Variants in MTHFD2L observed in about 807,000 individuals in gnomAD.
MTHFD2L encodes bifunctional methylenetetrahydrofolate dehydrogenase/cyclohydrolase 2, mitochondrial.
In MTHFD2L, 29 loss-of-function variants were observed where a neutral mutation model predicts 34.9. That is an observed-to-expected ratio of 0.83 (90% CI 0.62 to 1.13). MTHFD2L has a LOEUF of 1.13. Among genes scored for constraint, MTHFD2L ranks in the 50% most tolerant of loss-of-function variants. The pLI is 0.00. For missense variants in MTHFD2L, 481 were observed against 446.5 expected (o/e 1.08, Z -0.70); for synonymous variants, 167 against 155.7 (o/e 1.07, Z -0.54).
At chr4:74,295,891 G>T (rs944624453) in intron 7 of MTHFD2L, among the ~76,000 whole-genome samples, 10 of 152,114 alleles carry the variant, frequency 6.6e-5, no homozygotes, top group Non-Finnish European at 1.2e-4. Context: ...AACTCGGCAT[G>T]GATATGCCAC....
chr4:74,131,199 AC>A (rs1340261674), intron 1 of MTHFD2L, among the ~76,000 whole-genome samples: 1 of 152,200 alleles, frequency 6.6e-6, no homozygotes, highest in Non-Finnish European at 1.5e-5. Flanking sequence ...CCATCAAGCT[AC>A]CATTGACTTT....
chr4:74,193,181 G>A (rs1732871267), intron 3 of MTHFD2L, among the ~76,000 whole-genome samples: 1 of 152,094 alleles, frequency 6.6e-6, no homozygotes, highest in South Asian at 2.1e-4. Context: ...CAATATAGCT[G>A]CCTAGCTGTT....
chr4:74,297,873 A>C (rs1749812433), intron 7 of MTHFD2L, among the ~76,000 whole-genome samples: 1 of 152,136 alleles, frequency 6.6e-6, no homozygotes, highest in African/African-American at 2.4e-5. Context: ...ATTAGAGTAG[A>C]GAATTTTTGT....
chr4:74,115,440 T>C (rs1376319203), intron 2 of MTHFD2L, among the ~76,000 whole-genome samples: 1 of 152,232 alleles, frequency 6.6e-6, no homozygotes, highest in African/African-American at 2.4e-5. Flanking sequence ...TCCCAAGTCA[T>C]TTATTGATTC....
chr4:74,208,220 T>G (rs920866337), intron 5 of MTHFD2L, among the ~76,000 whole-genome samples: 1 of 152,244 alleles, frequency 6.6e-6, no homozygotes, highest in Non-Finnish European at 1.5e-5. Context: ...AGTGGAAGAC[T>G]GTAGAAAAGA....
chr4:74,207,065 T>C (rs1210222173), intron 5 of MTHFD2L, among the ~76,000 whole-genome samples: 4 of 151,894 alleles, frequency 2.6e-5, no homozygotes, highest in African/African-American at 9.7e-5. Context: ...ACCCAGATAA[T>C]TTTTTGTATT....
At chr4:74,136,509 C>T (rs898507229) in intron 1 of MTHFD2L, among the ~76,000 whole-genome samples, 1 of 152,028 alleles carries the variant, frequency 6.6e-6, no homozygotes, top group Non-Finnish European at 1.5e-5. Context: ...ATTCTCCGCT[C>T]ATGGATTGGA....
chr4:74,280,322 A>C (rs1422935380), intron 6 of MTHFD2L: 1 of 152,048 alleles, frequency 6.6e-6, no homozygotes, highest in African/African-American at 2.4e-5. Context: ...TGGAACACTC[A>C]CTCTTGGAAG....
intron 3 of MTHFD2L, among the ~76,000 whole-genome samples, chr4:74,192,082 A>G (rs185088668): frequency 1.3e-5 from 2 of 152,260 alleles, no homozygotes; most frequent in African/African-American, 4.8e-5. Flanking sequence ...AAAAAGAAAA[A>G]GACAGAAATT....
chr4:74,140,368 C>G (rs1353888189), intron 1 of MTHFD2L: 1 of 198,000 alleles, frequency 5.1e-6, no homozygotes, highest in Admixed American at 6.5e-5. Flanking sequence ...AGAAGAGTGT[C>G]TGGCATAAAG....
At chr4:74,180,600 T>C (rs1729952267) in intron 3 of MTHFD2L, 1 of 349,640 alleles carries the variant, frequency 2.9e-6, no homozygotes, top group African/African-American at 2.1e-5. Context: ...TGCATCTCAT[T>C]TGAGCAACAA....
intron 6 of MTHFD2L, among the ~76,000 whole-genome samples, chr4:74,243,491 C>A (rs1300841121): frequency 1.3e-5 from 2 of 151,820 alleles, no homozygotes; most frequent in African/African-American, 2.4e-5. Context: ...CTGGACTTTG[C>A]TGATTTTTAA....
chr4:74,254,743 AC>A (rs1685933768), intron 6 of MTHFD2L, among the ~76,000 whole-genome samples: 1 of 152,028 alleles, frequency 6.6e-6, no homozygotes, highest in Non-Finnish European at 1.5e-5. Context: ...AGTTCAACAT[AC>A]TCTAATACTC....
chr4:74,191,301 A>G (rs1028904612), intron 3 of MTHFD2L, among the ~76,000 whole-genome samples: 10 of 152,146 alleles, frequency 6.6e-5, no homozygotes, highest in South Asian at 4.1e-4. Context: ...TGAATTTTCA[A>G]GGGCATTGTA....
At chr4:74,257,777 A>G (rs1356002298) in intron 6 of MTHFD2L, among the ~76,000 whole-genome samples, 2 of 152,198 alleles carry the variant, frequency 1.3e-5, no homozygotes, top group East Asian at 3.8e-4. Flanking sequence ...GCTTCTTCAC[A>G]GCAAAGAAGA....
At chr4:74,274,481 C>CA (rs1287372079) in intron 6 of MTHFD2L, among the ~76,000 whole-genome samples, 1 of 152,168 alleles carries the variant, frequency 6.6e-6, no homozygotes, top group Admixed American at 6.6e-5. Flanking sequence ...GCAGGAAGTT[C>CA]AAAATGCCAC....
At chr4:74,243,375 T>C (rs1299592039) in intron 6 of MTHFD2L, among the ~76,000 whole-genome samples, 2 of 152,212 alleles carry the variant, frequency 1.3e-5, no homozygotes, top group Non-Finnish European at 2.9e-5. Flanking sequence ...ATCACATTCC[T>C]ATTTGGCTAA....
chr4:74,171,625 A>C (rs1026944279), intron 1 of MTHFD2L, among the ~76,000 whole-genome samples: 5 of 152,120 alleles, frequency 3.3e-5, no homozygotes, highest in Admixed American at 6.6e-5. Context: ...CAACATAGCG[A>C]AACCCCGTCT....
chr4:74,252,806 A>T lies in MTHFD2L; in HGVS notation c.805+27412A>T, dbSNP rs545502850. On this transcript the variant is annotated intron_variant, in intron 6 of 7. Coordinates refer to ENST00000325278, the MANE Select transcript of MTHFD2L (RefSeq NM_001144978.3). The stretch of plus-strand genomic sequence containing the variant: ...GAAGGTGATACTAGAGATTATTAAG[A>T]TGAATATAGACATAACATTTTAAGG... Among the ~76,000 whole-genome samples the T allele has an allele frequency of 1.7e-4, 26 of 152,246 alleles. No individual in the cohort carries two copies. In the South Asian group the frequency reaches 3.9e-3, roughly 23 times the overall value.
Sources: gnomAD v4.1 joint callset for allele counts (sites outside exome capture counted in the v4.1 genomes callset) on GRCh38, gnomAD v4.1.1 for gene constraint, MANE v1.5 for transcripts, NCBI Gene and HGNC (gene_info 2026-07-23, HGNC 2026-07-21) for gene names.